Variants in PDIA4 observed in about 807,000 individuals in gnomAD.
The protein encoded by PDIA4 is protein disulfide isomerase family A member 4, also known as protein disulfide-isomerase A4.
In PDIA4, 33 loss-of-function variants were observed where a neutral mutation model predicts 62.1. The ratio of observed to expected loss-of-function variants is 0.53; its 90% CI spans 0.40 to 0.71. PDIA4 has a LOEUF of 0.71. Among genes scored for constraint, PDIA4 ranks in the 30% least tolerant of loss-of-function variants. The pLI is 0.00. For synonymous variants in PDIA4, 341 were observed against 324.1 expected (o/e 1.05, Z -0.56); for missense variants, 804 against 813.6 (o/e 0.99, Z 0.14).
chr7:149,021,773 C>T (rs1824362480), intron 1 of PDIA4, among the ~76,000 whole-genome samples: 1 of 152,196 alleles, frequency 6.6e-6, no homozygotes, highest in African/African-American at 2.4e-5. Flanking sequence ...CCCTGCCTTG[C>T]TCTGCAAACC....
intron 7 of PDIA4, 144 bp downstream of exon 7, chr7:149,008,015 G>C (rs1823820191): frequency 1.3e-6 from 1 of 747,048 alleles, no homozygotes; most frequent in Admixed American, 3.3e-5. Flanking sequence ...AACCTGTGGG[G>C]TGGGGAGAAC....
At chr7:149,005,628 T>C (rs919569894) in intron 8 of PDIA4, among the ~76,000 whole-genome samples, 4 of 152,190 alleles carry the variant, frequency 2.6e-5, no homozygotes, top group Non-Finnish European at 4.4e-5. Flanking sequence ...GCTGGTCTAG[T>C]CCCAGCTCTG....
At chr7:149,024,483 G>T (rs1425608940) in intron 1 of PDIA4, among the ~76,000 whole-genome samples, 1 of 151,936 alleles carries the variant, frequency 6.6e-6, no homozygotes, top group African/African-American at 2.4e-5. Context: ...CTTTTCACTG[G>T]GCTTCATTTT....
intron 1 of PDIA4, among the ~76,000 whole-genome samples, chr7:149,023,546 C>A (rs927724522): frequency 5.9e-5 from 9 of 151,944 alleles, no homozygotes; most frequent in Admixed American, 1.3e-4. Context: ...TGCTTTGGGA[C>A]CATCCATATC....
Position 149,003,644 on chromosome 7 carries a change from C to G in PDIA4, c.*150G>C. 1 of 517,078 alleles carries G rather than the reference C, an allele frequency of 1.9e-6. No individual in the cohort carries two copies. The allele number at this position is 517,078 out of a possible 1,614,324, so 32.0% of individuals were successfully genotyped here. The stretch of plus-strand genomic sequence containing the variant: ...ATTCATGGTTATTCAGTATTCAGAG[C>G]ATGAAGTGAAACACCAAAGTATAAA... On this transcript the variant is annotated 3_prime_UTR_variant, in exon 10 of 10. Coordinates refer to ENST00000652332, the MANE Select transcript of PDIA4 (RefSeq NM_004911.5).
intron 1 of PDIA4, among the ~76,000 whole-genome samples, chr7:149,026,092 A>G (rs1036011024): frequency 5.4e-5 from 5 of 92,540 alleles, no homozygotes; most frequent in African/African-American, 2.1e-4. Context: ...AAGCAAAAAG[A>G]AAAAAAAAAG....
intron 1 of PDIA4, among the ~76,000 whole-genome samples, chr7:149,025,711 A>G (rs1484256857): frequency 6.6e-6 from 1 of 152,202 alleles, no homozygotes; most frequent in Non-Finnish European, 1.5e-5. Context: ...CAATACGCCC[A>G]AAGTTTTTGG....
In PDIA4 at chr7:149,012,377, G is replaced by C. The variant is rs1823978406; in HGVS notation, c.615-17C>G. 1 of 1,602,184 alleles carries C rather than the reference G, an allele frequency of 6.2e-7. No individual in the cohort carries two copies. Among genetic ancestry groups the C allele is most frequent in the African/African-American group, 1.3e-5 (1 of 74,750 alleles). On this transcript the variant is annotated splice_polypyrimidine_tract_variant and intron_variant, in intron 4 of 9. Transcript: ENST00000652332. ...TGTCCACACCTGCCAAGAGGAAACTGGTTTGTCAGGGGCTCATTCTAGTGT... is the reference window on the plus strand; with the variant it reads ...TGTCCACACCTGCCAAGAGGAAACTCGTTTGTCAGGGGCTCATTCTAGTGT...
rs752422977 is a variant in PDIA4 at position 149,005,198 on chromosome 7, C to T, written c.1465G>A (p.Glu489Lys). 3.7e-6 allele frequency: 6 copies of T among 1,614,064 alleles called. No individual in the cohort carries two copies. In the South Asian group the frequency reaches 4.4e-5, roughly 12 times the overall value. Residue 489 changes from glutamate to lysine, a missense_variant, in exon 9 of 10, where the codon GAG (glutamate) becomes AAG (lysine). Transcript: ENST00000652332. The stretch of plus-strand genomic sequence containing the variant: ...GTGTCAGAGTCAAACTCCTCTGGCT[C>T]CATGGCGAACTTCTTCCCACTCTCG... ...LDESGKKFAMEPEEFDSDTLR... is the reference protein window; with the variant it reads ...LDESGKKFAMKPEEFDSDTLR...
intron 4 of PDIA4, 69 bp downstream of exon 4, chr7:149,014,835 G>C: frequency 1.3e-6 from 2 of 1,494,300 alleles, no homozygotes; most frequent in Non-Finnish European, 1.8e-6. Flanking sequence ...CTCACGGGCA[G>C]GGGCCTGCCA....
In PDIA4 at chr7:149,018,965, C is replaced by T. The variant is rs375907691; in HGVS notation, c.475+27G>A. On this transcript the variant is annotated intron_variant, in intron 3 of 9. Transcript: ENST00000652332. ...CCATTCCCTGCGGGAAGGAGTTCTT[C>T]CTCTACGAGCTCAGGTACCAGCTCA... 9.3e-5 allele frequency: 144 copies of T among 1,554,140 alleles called. 2 individuals are homozygous for T. In the East Asian group the frequency reaches 3.1e-3, roughly 33 times the overall value.
Position 149,012,281 on chromosome 7 carries a change from G to C in PDIA4, c.694C>G (p.Leu232Val). ...TCTGCGGTGGCGTCGACCTTTGCCA[G>C]GGGAATTGGAGGAGAACGCTTGCTG... Reference protein sequence around the residue: ...ELSKRSPPIPLAKVDATAETD... With the variant: ...ELSKRSPPIPVAKVDATAETD... The change falls in exon 5 of 10, where the codon CTG becomes GTG. Residue 232 changes from leucine to valine, a missense_variant. Physicochemically the swap from Leu to Val is conservative, Grantham distance 32. Transcript: ENST00000652332. 6.2e-7 allele frequency: 1 copy of C among 1,614,124 alleles called. No homozygotes were observed. Among genetic ancestry groups the C allele is most frequent in the Non-Finnish European group, 8.5e-7 (1 of 1,180,006 alleles).
rs1057059224 is a variant in PDIA4, at chr7:149,019,525, G to C, written c.270-328C>G. On this transcript the variant is annotated intron_variant, in intron 2 of 9. Transcript: ENST00000652332. ...ACCTGAGGTCAGGAGTTTGAGACCAGCCTGGGCAGTATGGCGAAACTCCAT... is the reference window on the plus strand; with the variant it reads ...ACCTGAGGTCAGGAGTTTGAGACCACCCTGGGCAGTATGGCGAAACTCCAT... Among the ~76,000 whole-genome samples the C allele has an allele frequency of 2.6e-5, 4 of 152,212 alleles. No homozygotes were observed. The East Asian group carries it at 7.7e-4, about 29-fold the overall frequency.
At chr7:149,024,622 G>A (rs749535084) in intron 1 of PDIA4, among the ~76,000 whole-genome samples, 4 of 151,760 alleles carry the variant, frequency 2.6e-5, no homozygotes, top group Non-Finnish European at 4.4e-5. Context: ...AGACCCTCCT[G>A]GCCAACATCG....
At chr7:149,019,937 A>G (rs771251925) in intron 2 of PDIA4, among the ~76,000 whole-genome samples, 12 of 152,302 alleles carry the variant, frequency 7.9e-5, no homozygotes, top group Middle Eastern at 3.4e-3. Flanking sequence ...TTGAACTAAA[A>G]AGTATGAAAT....
intron 1 of PDIA4, 122 bp downstream of exon 1, chr7:149,028,199 C>G (rs931001608): frequency 5.9e-6 from 4 of 677,626 alleles, no homozygotes; most frequent in Non-Finnish European, 9.8e-6. Context: ...GCTCGGCGCC[C>G]ATCACTAGTT....
chr7:149,004,601 G>A lies in PDIA4; in HGVS notation c.1523-392C>T, dbSNP rs561219869. Among the ~76,000 whole-genome samples, 245 of 152,342 alleles carry A rather than the reference G, an allele frequency of 1.6e-3. 1 individual carries two copies. The highest frequency in any genetic ancestry group is 3.0e-3 in the Non-Finnish European group (206 of 68,014). ...AATGTGGCCAGCGCTGGGGGCCTGGGGCCATGTGCTCAGCCAAGATCAACA... is the reference window on the plus strand; with the variant it reads ...AATGTGGCCAGCGCTGGGGGCCTGGAGCCATGTGCTCAGCCAAGATCAACA... On this transcript the variant is annotated intron_variant, in intron 9 of 9. Coordinates refer to ENST00000652332, the MANE Select transcript of PDIA4 (RefSeq NM_004911.5).
intron 1 of PDIA4, among the ~76,000 whole-genome samples, chr7:149,023,209 G>A (rs1176636217): frequency 2.0e-5 from 3 of 152,182 alleles, no homozygotes; most frequent in Admixed American, 1.3e-4. Context: ...GCAGGGGCCA[G>A]GCTGACATCT....
At chr7:149,027,727 A>G in intron 1 of PDIA4, 1 of 394,574 alleles carries the variant, frequency 2.5e-6, no homozygotes, top group South Asian at 1.9e-5. Context: ...AACCCAGTAC[A>G]GGGACTGGCA....
Sources: allele counts gnomAD v4.1 joint callset (sites outside exome capture counted in the v4.1 genomes callset), GRCh38; gene constraint gnomAD v4.1.1; transcripts MANE v1.5; gene names NCBI Gene and HGNC (gene_info 2026-07-23, HGNC 2026-07-21).